Variants in MYLK observed in about 807,000 individuals in gnomAD.
MYLK encodes myosin light chain kinase, smooth muscle.
Under a neutral mutation model 203.4 loss-of-function variants are expected in MYLK, and 106 were observed. That is an observed-to-expected ratio of 0.52 (90% CI 0.45 to 0.61). The LOEUF (loss-of-function observed/expected upper bound fraction) is 0.61, where lower values mean the gene tolerates loss of function less well. MYLK is among the 20% of genes least tolerant of loss of function. MYLK has a pLI of 0.00. For synonymous variants in MYLK, 867 were observed against 959.5 expected, an observed-to-expected ratio of 0.90 and a Z score of 1.78; for missense variants, 2,072 against 2,442.3, an observed-to-expected ratio of 0.85 and a Z score of 3.20.
At position 123,625,802 on chromosome 3, in the gene MYLK, A is replaced by G. The variant is rs571954260; in HGVS notation, c.5238+1016T>C. ...AGCCTGGGCAACAGAGCGAGACTCC[A>G]TCTCAAAAAAAAAAAAAAAAGAATT... On this transcript the variant is annotated intron_variant, in intron 31 of 33. Coordinates refer to ENST00000360304, the MANE Select transcript of MYLK (RefSeq NM_053025.4). Among the ~76,000 whole-genome samples the G allele has an allele frequency of 2.1e-4, 26 of 125,416 alleles. No individual in the cohort carries two copies. The South Asian group carries it at 6.3e-3, about 30-fold the overall frequency. The allele number at this position is 125,416 out of a possible 152,430, so 82.3% of individuals were successfully genotyped here.
intron 4 of MYLK, among the ~76,000 whole-genome samples, chr3:123,758,483 T>G (rs2063430925): frequency 1.3e-5 from 2 of 152,010 alleles, no homozygotes; most frequent in African/African-American, 4.8e-5. Flanking sequence ...GCCATGTGGG[T>G]CTCCAGGGAC....
At chr3:123,846,973 AC>A (rs2030090088) in intron 2 of MYLK, among the ~76,000 whole-genome samples, 5 of 152,090 alleles carry the variant, frequency 3.3e-5, no homozygotes, top group Admixed American at 3.3e-4. Context: ...TATTTATGGA[AC>A]TTGGAATTCT....
At chr3:123,737,279 G>A (rs763214887) in intron 8 of MYLK, 99 bp downstream of exon 8, 12 of 1,479,788 alleles carry the variant, frequency 8.1e-6, no homozygotes, top group Admixed American at 1.7e-5. Flanking sequence ...AGTGGGCCAG[G>A]TGTATACACA....
chr3:123,620,409 G>T, intron 31 of MYLK, 73 bp from the exon 32 acceptor site: 1 of 1,608,104 alleles, frequency 6.2e-7, no homozygotes, highest in Non-Finnish European at 8.5e-7. Flanking sequence ...GGGGCTGCAG[G>T]GAGTAGAGCC....
At chr3:123,788,790 G>A (rs2064652112) in intron 4 of MYLK, among the ~76,000 whole-genome samples, 1 of 152,032 alleles carries the variant, frequency 6.6e-6, no homozygotes, top group Admixed American at 6.6e-5. Flanking sequence ...GCCTTGACAG[G>A]GCCAGGGCTG....
intron 2 of MYLK, among the ~76,000 whole-genome samples, chr3:123,862,767 T>A (rs1398738346): frequency 6.6e-6 from 1 of 152,158 alleles, no homozygotes; most frequent in Non-Finnish European, 1.5e-5. Context: ...TTAGGCTTAA[T>A]AACATCCCCT....
At chr3:123,865,556 A>T (rs1326717901) in intron 2 of MYLK, among the ~76,000 whole-genome samples, 2 of 152,170 alleles carry the variant, frequency 1.3e-5, no homozygotes, top group African/African-American at 2.4e-5. Context: ...TGTGCCAGAT[A>T]ATGTGCTAGG....
rs116096385 is a variant in MYLK, at chr3:123,788,599, C to T, written c.165+5078G>A. ...TCCCCTTCCTGTGTCCATGTGTTCT[C>T]ATTGTTAAAGTGCTAAACATGGTGG... On this transcript the variant is annotated intron_variant, in intron 4 of 33. Transcript: ENST00000360304. Among the ~76,000 whole-genome samples the T allele has an allele frequency of 3.4e-3, 491 of 146,102 alleles. 1 individual carries two copies. The highest frequency in any genetic ancestry group is 5.8e-3 in the Non-Finnish European group (387 of 66,846).
At chr3:123,684,153 C>T (rs907191629) in intron 19 of MYLK, among the ~76,000 whole-genome samples, 20 of 152,174 alleles carry the variant, frequency 1.3e-4, no homozygotes, top group Admixed American at 3.3e-4. Context: ...TTGTCAGCCT[C>T]GGTGGATCTC....
At chr3:123,860,172 C>A (rs1009010096) in intron 2 of MYLK, among the ~76,000 whole-genome samples, 2 of 152,190 alleles carry the variant, frequency 1.3e-5, no homozygotes, top group Admixed American at 6.5e-5. Context: ...TCCTTTGATT[C>A]TGCAGACAGC....
At chr3:123,790,343 A>G (rs1303349654) in intron 4 of MYLK, among the ~76,000 whole-genome samples, 3 of 152,198 alleles carry the variant, frequency 2.0e-5, no homozygotes, top group African/African-American at 7.2e-5. Context: ...CTGCAACGGA[A>G]GCCTCTACAG....
chr3:123,687,572 CT>C (rs2060498757), intron 19 of MYLK, among the ~76,000 whole-genome samples: 1 of 151,952 alleles, frequency 6.6e-6, no homozygotes, highest in Non-Finnish European at 1.5e-5. Flanking sequence ...GCACCTGACC[CT>C]TCCTTCCTTC....
At chr3:123,734,282 T>C (rs1576782882) in intron 9 of MYLK, 60 bp from the exon 10 acceptor site, 2 of 1,439,150 alleles carry the variant, frequency 1.4e-6, no homozygotes, top group East Asian at 4.6e-5. Context: ...AGAATGATCA[T>C]CTGGTTACTC....
At chr3:123,684,099 C>T (rs189975891) in intron 19 of MYLK, among the ~76,000 whole-genome samples, 11 of 152,244 alleles carry the variant, frequency 7.2e-5, no homozygotes, top group Middle Eastern at 6.8e-3. Context: ...CCCCAAGGAT[C>T]GTGGTCATTC....
intron 3 of MYLK, among the ~76,000 whole-genome samples, chr3:123,798,203 T>C (rs964002134): frequency 6.6e-6 from 1 of 152,126 alleles, no homozygotes; most frequent in Non-Finnish European, 1.5e-5. Flanking sequence ...AGCCAACTAC[T>C]CTTGTCTAAG....
At chr3:123,751,030 C>T (rs2063177141) in intron 5 of MYLK, among the ~76,000 whole-genome samples, 2 of 152,220 alleles carry the variant, frequency 1.3e-5, no homozygotes, top group African/African-American at 4.8e-5. Flanking sequence ...CACCTCGCCC[C>T]CTTCTGGAAC....
chr3:123,704,947 A>G (rs2061403346), intron 16 of MYLK, among the ~76,000 whole-genome samples: 1 of 152,002 alleles, frequency 6.6e-6, no homozygotes, highest in South Asian at 2.1e-4. Context: ...AAAAAGAACT[A>G]ATTTCCTGGC....
At chr3:123,669,063 G>A (rs930295171) in intron 20 of MYLK, among the ~76,000 whole-genome samples, 3 of 152,240 alleles carry the variant, frequency 2.0e-5, no homozygotes, top group African/African-American at 7.2e-5. Context: ...AGGCAAATTA[G>A]TAACTTGTGG....
At chr3:123,858,045 G>A (rs1394501040) in intron 2 of MYLK, among the ~76,000 whole-genome samples, 1 of 152,172 alleles carries the variant, frequency 6.6e-6, no homozygotes, top group Non-Finnish European at 1.5e-5. Flanking sequence ...GTACCCGCTG[G>A]TATTGGATTC....
Sources: gnomAD v4.1 joint callset for allele counts (sites outside exome capture counted in the v4.1 genomes callset) on GRCh38, gnomAD v4.1.1 for gene constraint, MANE v1.5 for transcripts, NCBI Gene and HGNC (gene_info 2026-07-23, HGNC 2026-07-21) for gene names.